Variants in RBM33 observed in about 807,000 individuals in gnomAD.
The protein encoded by RBM33 is RNA-binding protein 33.
In RBM33, 28 loss-of-function variants were observed where a neutral mutation model predicts 132.6. The observed-to-expected ratio is 0.21, with a 90% CI of 0.16 to 0.29. RBM33 has a LOEUF of 0.29. Ranked by LOEUF, RBM33 falls within the 10% of genes least tolerant of loss-of-function variation. The probability of loss-of-function intolerance (pLI) is 1.00; values close to 1 mark genes in which losing one functional copy is unlikely to be tolerated. For missense variants in RBM33, 1,291 were observed against 1,518.5 expected (o/e 0.85, Z 2.49); for synonymous variants, 634 against 593.0 (o/e 1.07, Z -1.01).
chr7:155,766,667 G>T lies in RBM33; in HGVS notation c.3375+12G>T, dbSNP rs201903567. ...TGGGACCCATTCAGGTAGCCGCCTG[G>T]GGGTGGCATCTGTGCCACGGGTAGT... On this transcript the variant is annotated intron_variant, in intron 16 of 17. Transcript: ENST00000401878. 7.0e-5 allele frequency: 112 copies of T among 1,604,572 alleles called. No homozygotes were observed. Among genetic ancestry groups the T allele is most frequent in the Middle Eastern group, 1.7e-4 (1 of 6,040 alleles).
intron 2 of RBM33, among the ~76,000 whole-genome samples, chr7:155,669,408 A>G (rs943020999): frequency 2.6e-5 from 4 of 152,130 alleles, no homozygotes; most frequent in African/African-American, 9.7e-5. Context: ...TCTGGAGTGC[A>G]GTGGTGCGAT....
At chr7:155,661,097 G>GGT (rs59345780) in intron 1 of RBM33, among the ~76,000 whole-genome samples, 3,208 of 109,990 alleles carry the variant, frequency 0.029, 63 homozygotes, top group Non-Finnish European at 0.035. Flanking sequence ...GTGTGTGTGT[G>GGT]GTGTGTGTGT....
At chr7:155,749,161 A>C (rs956747741) in intron 14 of RBM33, among the ~76,000 whole-genome samples, 1 of 152,136 alleles carries the variant, frequency 6.6e-6, no homozygotes, top group Admixed American at 6.5e-5. Flanking sequence ...TGGGGTTAGT[A>C]AGTCTGCTGT....
At position 155,711,229 on chromosome 7, in the gene RBM33, G is replaced by C. The variant is rs751252763; in HGVS notation, c.975G>C (p.Pro325=). 3.8e-6 allele frequency: 6 copies of C among 1,578,604 alleles called. No individual in the cohort carries two copies. In the African/African-American group the frequency reaches 5.5e-5, roughly 15 times the overall value. ...VVPQAPPPPP[P]PPQQQPIRSL... is the part of the protein sequence containing the mutation. Reference sequence around the variant, plus strand: ...CCCAGGCTCCCCCTCCACCGCCACCGCCGCCTCAGCAGCAGCCGATCAGAA... The same window carrying C: ...CCCAGGCTCCCCCTCCACCGCCACCCCCGCCTCAGCAGCAGCCGATCAGAA... Residue 325 remains proline (P), a synonymous_variant, in exon 8 of 18, where the codon CCG becomes CCC. Transcript: ENST00000401878.
At chr7:155,694,009 C>T (rs371773195) in intron 5 of RBM33, among the ~76,000 whole-genome samples, 20 of 152,176 alleles carry the variant, frequency 1.3e-4, no homozygotes, top group African/African-American at 4.6e-4. Context: ...GCATTGTTGC[C>T]GAGCATCCTG....
intron 7 of RBM33, among the ~76,000 whole-genome samples, chr7:155,708,449 G>T (rs139453729): frequency 1.3e-5 from 2 of 152,302 alleles, no homozygotes; most frequent in African/African-American, 4.8e-5. Context: ...CGAGGCCAGT[G>T]TTTACGTAAT....
chr7:155,670,784 C>G (rs906938911), intron 2 of RBM33, among the ~76,000 whole-genome samples: 2 of 152,248 alleles, frequency 1.3e-5, no homozygotes, highest in Non-Finnish European at 2.9e-5. Flanking sequence ...CTGAATCCCA[C>G]TGTCCCCCAT....
At position 155,740,016 on chromosome 7, in the gene RBM33, G is replaced by A. The variant is rs137875452; in HGVS notation, c.2039G>A (p.Gly680Glu). ...SSRMQCPQRQ[G>E]LRHNTTSQNV... ...CGGATGCAGTGCCCCCAGCGCCAGG[G>A]GCTCCGGCATGTAAGTGTCAAGGGG... Residue 680 changes from glycine (G) to glutamate (E), a missense_variant, in exon 12 of 18, where the codon GGG becomes GAG. Physicochemically the swap from Gly to Glu is moderately conservative, Grantham distance 98 (BLOSUM62 -2). Around this residue, in one of 7 missense-constraint regions of RBM33, gnomAD observed 841 missense variants for 912.0 expected, o/e 0.92. Transcript: ENST00000401878. The A allele has an allele frequency of 2.6e-6, 4 of 1,547,646 alleles. No homozygotes were observed. Among genetic ancestry groups the A allele is most frequent in the Non-Finnish European group, 2.6e-6 (3 of 1,141,840 alleles).
chr7:155,769,644 T>C (rs1050869706), intron 16 of RBM33, among the ~76,000 whole-genome samples: 30 of 152,018 alleles, frequency 2.0e-4, no homozygotes, highest in African/African-American at 7.0e-4. Context: ...CTGATTCTGC[T>C]TCTGCTTCTA....
chr7:155,726,404 G>T (rs766660140), intron 9 of RBM33, among the ~76,000 whole-genome samples: 1 of 151,724 alleles, frequency 6.6e-6, no homozygotes, highest in Non-Finnish European at 1.5e-5. Context: ...TCTTGAATAG[G>T]ATTAATATAG....
chr7:155,659,497 A>G (rs1798582413), intron 1 of RBM33, among the ~76,000 whole-genome samples: 1 of 152,138 alleles, frequency 6.6e-6, no homozygotes, highest in South Asian at 2.1e-4. Context: ...TTGAGCAAGC[A>G]GAAGAATCAG....
chr7:155,722,797 A>G (rs1156646628), intron 9 of RBM33, among the ~76,000 whole-genome samples: 1 of 152,236 alleles, frequency 6.6e-6, no homozygotes, highest in East Asian at 1.9e-4. Context: ...AAATCATTTT[A>G]AAGATTCCTG....
At chr7:155,706,824 G>A (rs559907123) in intron 6 of RBM33, 36 bp from the exon 7 acceptor site, 13 of 1,535,134 alleles carry the variant, frequency 8.5e-6, no homozygotes, top group African/African-American at 6.8e-5. Context: ...TTGGGCTCTC[G>A]GAAAGTAACT....
At chr7:155,649,228 C>T (rs999201732) in intron 1 of RBM33, among the ~76,000 whole-genome samples, 1 of 152,152 alleles carries the variant, frequency 6.6e-6, no homozygotes, top group African/African-American at 2.4e-5. Flanking sequence ...TGTTTCCTCA[C>T]CTATAGCACC....
chr7:155,684,885 C>T (rs912883073), intron 5 of RBM33: 1 of 1,539,306 alleles, frequency 6.5e-7, no homozygotes, highest in South Asian at 1.2e-5. Context: ...AAAAAAACCA[C>T]CCCAAAGCTG....
chr7:155,668,242 G>A (rs942651052), intron 2 of RBM33, among the ~76,000 whole-genome samples: 6 of 152,100 alleles, frequency 3.9e-5, no homozygotes, highest in African/African-American at 1.4e-4. Flanking sequence ...GTGTCTGTGT[G>A]CTTTTTGATG....
At chr7:155,674,717 T>G (rs929227681) in intron 3 of RBM33, among the ~76,000 whole-genome samples, 2 of 152,186 alleles carry the variant, frequency 1.3e-5, no homozygotes, top group Non-Finnish European at 2.9e-5. Flanking sequence ...CTGATTGTTG[T>G]AAGTTGCTCA....
intron 1 of RBM33, among the ~76,000 whole-genome samples, chr7:155,661,662 C>G (rs1267570125): frequency 1.3e-5 from 2 of 152,178 alleles, no homozygotes; most frequent in African/African-American, 4.8e-5. Flanking sequence ...CCTGCCTTGG[C>G]CTCCCAAAGT....
chr7:155,738,432 A>T (rs1156791197), intron 11 of RBM33, 29 bp downstream of exon 11: 2 of 1,568,992 alleles, frequency 1.3e-6, no homozygotes, highest in Admixed American at 1.8e-5. Flanking sequence ...ACCTCCAGGG[A>T]AAAAATGTGT....
Sources: allele counts gnomAD v4.1 joint callset (sites outside exome capture counted in the v4.1 genomes callset), GRCh38; gene constraint gnomAD v4.1.1; regional missense constraint gnomAD v4.1.1; transcripts MANE v1.5; gene names NCBI Gene and HGNC (gene_info 2026-07-23, HGNC 2026-07-21).